VCPIP1: variants seen among roughly 807,000 people sequenced by gnomAD.
VCPIP1 encodes the protein deubiquitinating protein VCPIP1.
Under a neutral mutation model 85.0 loss-of-function variants are expected in VCPIP1, and 8 were observed. That is an observed-to-expected ratio of 0.09 (90% CI 0.06 to 0.17). The LOEUF (loss-of-function observed/expected upper bound fraction) is 0.17, where lower values mean the gene tolerates loss of function less well. Among genes scored for constraint, VCPIP1 ranks in the 10% least tolerant of loss-of-function variants. The pLI is 1.00. For missense variants in VCPIP1, 1,070 were observed against 1,486.3 expected, an observed-to-expected ratio of 0.72 and a Z score of 4.61; for synonymous variants, 543 against 544.5, an observed-to-expected ratio of 1.00 and a Z score of 0.04.
chr8:66,642,777 T>C (rs1455995050), intron 2 of VCPIP1, among the ~76,000 whole-genome samples: 1 of 152,116 alleles, frequency 6.6e-6, no homozygotes, highest in East Asian at 1.9e-4. Context: ...ATAGTAAAGA[T>C]AGCCATCCCC....
intron 2 of VCPIP1, among the ~76,000 whole-genome samples, chr8:66,642,241 C>A (rs369610721): frequency 4.3e-4 from 65 of 152,208 alleles, no homozygotes; most frequent in African/African-American, 1.5e-3. Flanking sequence ...TATATTTTCT[C>A]TGGAGAGAAA....
chr8:66,646,604 T>C (rs181356229), intron 2 of VCPIP1, among the ~76,000 whole-genome samples: 10 of 152,160 alleles, frequency 6.6e-5, no homozygotes, highest in Admixed American at 6.5e-4. Context: ...GAGATCAGCC[T>C]GACCAACATA....
Position 66,666,989 on chromosome 8 carries a change from C to A in VCPIP1, c.-31G>T. 3 of 1,490,332 alleles carry A rather than the reference C, an allele frequency of 2.0e-6. No individual in the cohort carries two copies. The highest frequency in any genetic ancestry group is 2.4e-4 in the Middle Eastern group (1 of 4,164). 92.3% of individuals were successfully genotyped at this position (1,490,332 alleles called of 1,614,324 possible). ...CTGGCTCTCGTGTCTCGCTCCGCGT[C>A]CCAGGCGACCCTCAAAAGCTCATAG... On this transcript the variant is annotated 5_prime_UTR_variant, in exon 1 of 3. Coordinates refer to ENST00000310421, the MANE Select transcript of VCPIP1 (RefSeq NM_025054.5). This position sits in a 1 kb window ranked among gnomAD's most constrained non-coding sequence, Gnocchi z 6.3.
At chr8:66,655,113 T>A (rs1027185534) in intron 1 of VCPIP1, among the ~76,000 whole-genome samples, 42 of 152,198 alleles carry the variant, frequency 2.8e-4, no homozygotes, top group African/African-American at 1.0e-3. Context: ...CATATATGAA[T>A]ACCACAGCCC....
At chr8:66,659,372 A>C (rs1277456438) in intron 1 of VCPIP1, among the ~76,000 whole-genome samples, 2 of 152,158 alleles carry the variant, frequency 1.3e-5, no homozygotes, top group Non-Finnish European at 2.9e-5. Context: ...GACTGTCTGC[A>C]AAAAATTAAG....
Position 66,666,625 on chromosome 8 carries a change from T to G in VCPIP1, c.334A>C (p.Lys112Gln). The change falls in exon 1 of 3, where the codon AAG (lysine) becomes CAG (glutamine). Residue 112 changes from lysine (K) to glutamine (Q), a missense_variant. Physicochemically the swap from Lys to Gln is moderately conservative, Grantham distance 53. Around this residue, in one of 8 missense-constraint regions of VCPIP1, gnomAD observed 164 missense variants for 158.6 expected, o/e 1.03. Coordinates refer to ENST00000310421, the MANE Select transcript of VCPIP1 (RefSeq NM_025054.5). The surrounding 1 kb of genome is among the most constrained non-coding windows in gnomAD (Gnocchi z 6.3). ...ATCACCTTTACCAGTTCCGTGTTCTTCTTGGGTGCCCCCGTAACCCCGAGC... is the reference window on the plus strand; with the variant it reads ...ATCACCTTTACCAGTTCCGTGTTCTGCTTGGGTGCCCCCGTAACCCCGAGC... ...ALLGVTGAPK[K>Q]NTELVKVMGL... is the part of the protein sequence containing the mutation. The G allele has an allele frequency of 6.2e-7, 1 of 1,614,120 alleles. No individual in the cohort carries two copies. The highest frequency in any genetic ancestry group is 8.5e-7 in the Non-Finnish European group (1 of 1,180,014).
Position 66,666,587 on chromosome 8 carries a change from G to A in VCPIP1, c.372C>T (p.Asn124=). Residue 124 remains asparagine (N), a synonymous_variant, in exon 1 of 3, where the codon AAC becomes AAT. Transcript: ENST00000310421. The surrounding 1 kb of genome is among the most constrained non-coding windows in gnomAD (Gnocchi z 6.3). Reference sequence around the variant, plus strand: ...TGGGCGACAACAATTTGCAGTGATAGTTGGAAAGGCCCATCACCTTTACCA... The same window carrying A: ...TGGGCGACAACAATTTGCAGTGATAATTGGAAAGGCCCATCACCTTTACCA... ...TELVKVMGLS[N]YHCKLLSPIL... is the part of the protein sequence containing the mutation. The A allele has an allele frequency of 6.2e-7, 1 of 1,614,182 alleles. No homozygotes were observed. The highest frequency in any genetic ancestry group is 8.5e-7 in the Non-Finnish European group (1 of 1,180,034).
Position 66,645,519 on chromosome 8 carries a change from A to G in VCPIP1, c.2797+5939T>C, listed in dbSNP as rs948524351. 2.0e-5 allele frequency among the ~76,000 whole-genome samples: 3 copies of G among 152,208 alleles called. No individual in the cohort carries two copies. The South Asian group carries it at 6.2e-4, about 31-fold the overall frequency. On this transcript the variant is annotated intron_variant, in intron 2 of 2. Transcript: ENST00000310421. The stretch of plus-strand genomic sequence containing the variant: ...TTGTAGAAGCATCTTTTACAGTATC[A>G]TCCAAAAAACAAATATTTCACAGTA...
chr8:66,642,325 T>G (rs1810955985), intron 2 of VCPIP1, among the ~76,000 whole-genome samples: 1 of 152,218 alleles, frequency 6.6e-6, no homozygotes, highest in South Asian at 2.1e-4. Flanking sequence ...CTTTATATTC[T>G]AGATACAAAT....
chr8:66,628,565 A>G lies in VCPIP1; in HGVS notation c.*5936T>C, dbSNP rs1238505828. On this transcript the variant is annotated 3_prime_UTR_variant, in exon 3 of 3. Coordinates refer to ENST00000310421, the MANE Select transcript of VCPIP1 (RefSeq NM_025054.5). ...AGAATTGCAGTTGCTGGGGTCTGAA[A>G]GAGCCAGACAATAAAAATAAAATCC... The G allele has an allele frequency of 6.6e-6, 1 of 152,254 alleles. No individual in the cohort carries two copies. Among genetic ancestry groups the G allele is most frequent in the African/African-American group, 2.4e-5 (1 of 41,466 alleles). The allele number at this position is 152,254 out of a possible 1,614,324, so 9.4% of individuals were successfully genotyped here. A position where few individuals can be genotyped will look rare whatever the true frequency, so the allele number is the denominator to read the frequency against.
intron 2 of VCPIP1, among the ~76,000 whole-genome samples, chr8:66,638,935 T>A (rs1358377893): frequency 7.1e-6 from 1 of 141,060 alleles, no homozygotes; most frequent in Non-Finnish European, 1.5e-5. Context: ...GCAAGAAAAC[T>A]TTCTCTCTCT....
At chr8:66,640,564 G>A (rs1810937275) in intron 2 of VCPIP1, among the ~76,000 whole-genome samples, 1 of 152,184 alleles carries the variant, frequency 6.6e-6, no homozygotes, top group African/African-American at 2.4e-5. Context: ...CCGCTCAAAT[G>A]TTGCTTTTTG....
chr8:66,646,013 A>AT (rs1427620574), intron 2 of VCPIP1, among the ~76,000 whole-genome samples: 3 of 152,120 alleles, frequency 2.0e-5, no homozygotes, highest in African/African-American at 7.2e-5. Flanking sequence ...AATTTGATCT[A>AT]TACAGATGCT....
At chr8:66,661,104 G>C (rs1811152628) in intron 1 of VCPIP1, among the ~76,000 whole-genome samples, 1 of 152,068 alleles carries the variant, frequency 6.6e-6, no homozygotes. Flanking sequence ...AGAAAACTAA[G>C]ATTTATAAGG....
At chr8:66,659,934 GAA>G (rs1380411638) in intron 1 of VCPIP1, among the ~76,000 whole-genome samples, 1 of 151,890 alleles carries the variant, frequency 6.6e-6, no homozygotes, top group Non-Finnish European at 1.5e-5. Flanking sequence ...AAAAAAGAAA[GAA>G]AATATACAAT....
chr8:66,648,557 CTA>C (rs1811020071), intron 2 of VCPIP1, among the ~76,000 whole-genome samples: 4 of 151,608 alleles, frequency 2.6e-5, no homozygotes, highest in Non-Finnish European at 5.9e-5. Context: ...ATCTATCTAT[CTA>C]TCTATCTATC....
Position 66,667,224 on chromosome 8 carries a change from T to G in VCPIP1, c.-266A>C, listed in dbSNP as rs1293019906. ...CTCACTCACTCTCGCTCTCTCTCCCTCAGACACAGACATACACGCCCTCAT... is the reference window on the plus strand; with the variant it reads ...CTCACTCACTCTCGCTCTCTCTCCCGCAGACACAGACATACACGCCCTCAT... On this transcript the variant is annotated 5_prime_UTR_variant, in exon 1 of 3. Transcript: ENST00000310421. 3.3e-6 allele frequency: 2 copies of G among 606,304 alleles called. No homozygotes were observed. The highest frequency in any genetic ancestry group is 5.3e-6 in the Non-Finnish European group (2 of 379,604). The allele number at this position is 606,304 out of a possible 1,614,324, so 37.6% of individuals were successfully genotyped here.
intron 1 of VCPIP1, among the ~76,000 whole-genome samples, chr8:66,653,858 C>T (rs1263119068): frequency 1.3e-5 from 2 of 152,168 alleles, no homozygotes; most frequent in Admixed American, 6.5e-5. Context: ...ACTGTATATA[C>T]ATCTTAGTTT....
chr8:66,650,624 A>G (rs1255109511), intron 2 of VCPIP1, among the ~76,000 whole-genome samples: 4 of 152,176 alleles, frequency 2.6e-5, no homozygotes, highest in Admixed American at 6.6e-5. Flanking sequence ...TTAGAAAGCA[A>G]TAAGATATAC....
Sources: gnomAD v4.1 joint callset for allele counts (sites outside exome capture counted in the v4.1 genomes callset) on GRCh38, gnomAD v4.1.1 for gene constraint, gnomAD v4.1.1 regional missense constraint, Gnocchi (gnomAD v3.1) non-coding constraint, MANE v1.5 for transcripts, NCBI Gene and HGNC (gene_info 2026-07-23, HGNC 2026-07-21) for gene names.